The following SGCD variants were observed in gnomAD, a reference collection of about 807,000 sequenced individuals.
SGCD encodes delta-sarcoglycan.
In SGCD, 18 loss-of-function variants were observed where a neutral mutation model predicts 36.6. That is an observed-to-expected ratio of 0.49 (90% CI 0.34 to 0.73). The LOEUF is 0.73. Ranked by LOEUF, SGCD falls within the 30% of genes least tolerant of loss-of-function variation. The probability of loss-of-function intolerance (pLI) is 0.01; values close to 1 mark genes in which losing one functional copy is unlikely to be tolerated. For synonymous variants in SGCD, 133 were observed against 130.6 expected (o/e 1.02, Z -0.12); for missense variants, 387 against 346.7 (o/e 1.12, Z -0.92).
chr5:156,707,844 A>G (rs1754807892), intron 7 of SGCD, among the ~76,000 whole-genome samples: 1 of 152,240 alleles, frequency 6.6e-6, no homozygotes, highest in African/African-American at 2.4e-5. Context: ...TGGCTCTGCT[A>G]GTAATAAGTA....
At chr5:156,605,618 C>T (rs923751468) in intron 6 of SGCD, among the ~76,000 whole-genome samples, 26 of 152,202 alleles carry the variant, frequency 1.7e-4, no homozygotes, top group Non-Finnish European at 2.9e-4. Flanking sequence ...CCTGAGGAAT[C>T]GCCACACTGA....
At chr5:155,964,359 A>G (rs940642602) in intron 1 of SGCD, among the ~76,000 whole-genome samples, 1 of 151,642 alleles carries the variant, frequency 6.6e-6, no homozygotes, top group African/African-American at 2.4e-5. Context: ...CTTTTTTTTG[A>G]GTTGGAGTCT....
chr5:156,422,034 A>G (rs994711676), intron 3 of SGCD, among the ~76,000 whole-genome samples: 6 of 152,162 alleles, frequency 3.9e-5, no homozygotes, highest in African/African-American at 1.2e-4. Flanking sequence ...TACTAATGTG[A>G]TTTCCAATGA....
At chr5:156,393,187 G>C (rs564655357) in intron 3 of SGCD, among the ~76,000 whole-genome samples, 2 of 152,282 alleles carry the variant, frequency 1.3e-5, no homozygotes, top group Admixed American at 6.5e-5. Context: ...GGACAGGACG[G>C]ACATGCTTGA....
At chr5:156,203,552 C>T (rs1433536395) in intron 3 of SGCD, among the ~76,000 whole-genome samples, 1 of 152,120 alleles carries the variant, frequency 6.6e-6, no homozygotes, top group Non-Finnish European at 1.5e-5. Flanking sequence ...TTTCATCCCA[C>T]ATTTACTGAA....
chr5:155,785,210 A>G, the SGCD span, among the ~76,000 whole-genome samples: 1 of 152,164 alleles, frequency 6.6e-6, no homozygotes, highest in East Asian at 1.9e-4. Flanking sequence ...TTGAAATACT[A>G]AAGAAATCTT....
the SGCD span, among the ~76,000 whole-genome samples, chr5:155,734,312 C>T: frequency 1.3e-5 from 2 of 151,852 alleles, no homozygotes; most frequent in East Asian, 3.9e-4. Flanking sequence ...TCAAACCATC[C>T]TCCCACTGCA....
intron 3 of SGCD, among the ~76,000 whole-genome samples, chr5:156,252,968 G>T (rs1223136340): frequency 6.6e-6 from 1 of 152,130 alleles, no homozygotes; most frequent in Non-Finnish European, 1.5e-5. Flanking sequence ...CCTACTCTTA[G>T]AATATCCTTG....
the SGCD span, among the ~76,000 whole-genome samples, chr5:155,831,620 G>T: frequency 1.3e-5 from 2 of 152,270 alleles, no homozygotes; most frequent in African/African-American, 4.8e-5. Context: ...TTTCTCTGAG[G>T]AGCTGTGATT....
At chr5:156,632,887 A>AT (rs1254446047) in intron 6 of SGCD, among the ~76,000 whole-genome samples, 1 of 152,136 alleles carries the variant, frequency 6.6e-6, no homozygotes, top group African/African-American at 2.4e-5. Context: ...TGAAATGTTC[A>AT]TTTTTTGCAA....
At chr5:156,055,218 C>CT (rs1200493459) in intron 1 of SGCD, among the ~76,000 whole-genome samples, 4 of 137,592 alleles carry the variant, frequency 2.9e-5, no homozygotes, top group East Asian at 3.9e-4. Context: ...TCTTTCTTTT[C>CT]TTTTTTTTCT....
intron 1 of SGCD, among the ~76,000 whole-genome samples, chr5:156,083,178 G>C (rs1167535560): frequency 6.6e-6 from 1 of 151,722 alleles, no homozygotes; most frequent in Admixed American, 6.6e-5. Context: ...AGTTTCATTG[G>C]ATTGTTGTTT....
At chr5:156,547,713 AT>A (rs1467577888) in intron 4 of SGCD, among the ~76,000 whole-genome samples, 1 of 152,138 alleles carries the variant, frequency 6.6e-6, no homozygotes, top group Non-Finnish European at 1.5e-5. Context: ...AAGTGCTGGG[AT>A]TACAGGCACG....
chr5:155,879,036 C>G (rs1231056917), intron 1 of SGCD, among the ~76,000 whole-genome samples: 1 of 151,686 alleles, frequency 6.6e-6, no homozygotes, highest in Non-Finnish European at 1.5e-5. Flanking sequence ...TCAGTCAGTA[C>G]TCAAGAGGAA....
the SGCD span, among the ~76,000 whole-genome samples, chr5:155,824,285 T>C: frequency 3.3e-5 from 5 of 152,234 alleles, 1 homozygote; most frequent in Non-Finnish European, 7.3e-5. Context: ...ATAAGTTGCC[T>C]CATTTGTAAA....
chr5:156,249,266 A>C (rs1187733685), intron 3 of SGCD, among the ~76,000 whole-genome samples: 1 of 152,212 alleles, frequency 6.6e-6, no homozygotes, highest in African/African-American at 2.4e-5. Flanking sequence ...GGCCACAAAA[A>C]TAGGAAGAGA....
intron 3 of SGCD, among the ~76,000 whole-genome samples, chr5:156,153,171 C>A (rs1448083248): frequency 1.3e-5 from 2 of 151,446 alleles, no homozygotes; most frequent in African/African-American, 4.9e-5. Context: ...ATTCTATGAA[C>A]TGAATGTTGC....
At chr5:156,739,275 A>T (rs1195153471) in intron 7 of SGCD, among the ~76,000 whole-genome samples, 1 of 152,226 alleles carries the variant, frequency 6.6e-6, no homozygotes, top group Non-Finnish European at 1.5e-5. Flanking sequence ...CTCAGAACAT[A>T]GCAAGAGCAT....
intron 1 of SGCD, among the ~76,000 whole-genome samples, chr5:155,877,436 A>T (rs926941021): frequency 2.0e-5 from 3 of 152,128 alleles, no homozygotes; most frequent in African/African-American, 4.8e-5. Context: ...AGCAGTTTAT[A>T]TCTGGAGTAA....
Sources: gnomAD v4.1 joint callset for allele counts (sites outside exome capture counted in the v4.1 genomes callset) on GRCh38, gnomAD v4.1.1 for gene constraint, MANE v1.5 for transcripts, NCBI Gene and HGNC (gene_info 2026-07-23, HGNC 2026-07-21) for gene names.